CTNND2: variants seen among roughly 807,000 people sequenced by gnomAD.
The protein encoded by CTNND2 is catenin delta 2, also known as catenin delta-2.
A neutral mutation model predicts 144.4 loss-of-function variants in CTNND2; 22 were observed. The observed-to-expected ratio is 0.15, with a 90% confidence interval of 0.11 to 0.22. The LOEUF is 0.22. Ranked by LOEUF, CTNND2 falls within the 10% of genes least tolerant of loss-of-function variation. The pLI is 1.00. For missense variants in CTNND2, 1,353 were observed against 1,618.8 expected, an observed-to-expected ratio of 0.84 and a Z score of 2.82; for synonymous variants, 751 against 695.6, an observed-to-expected ratio of 1.08 and a Z score of -1.25.
intron 16 of CTNND2, among the ~76,000 whole-genome samples, chr5:11,055,217 G>GTCT (rs1746235040): frequency 2.6e-5 from 4 of 152,224 alleles, no homozygotes; most frequent in Admixed American, 2.6e-4. Flanking sequence ...TTGTGTGGAA[G>GTCT]TCTTAAAGAA....
intron 16 of CTNND2, among the ~76,000 whole-genome samples, chr5:11,043,305 A>G (rs1258400281): frequency 2.6e-5 from 4 of 152,208 alleles, no homozygotes; most frequent in African/African-American, 9.6e-5. Context: ...TATTGACTGT[A>G]TGTTTGTTAG....
intron 3 of CTNND2, among the ~76,000 whole-genome samples, chr5:11,535,780 C>T (rs578217909): frequency 3.3e-5 from 5 of 152,192 alleles, no homozygotes; most frequent in Admixed American, 3.3e-4. Context: ...CCCGGTGTTA[C>T]AAGCATGAGG....
chr5:11,516,550 T>C (rs78946992), intron 3 of CTNND2, among the ~76,000 whole-genome samples: 2,916 of 152,054 alleles, frequency 0.019, 78 homozygotes, highest in African/African-American at 0.061. Context: ...ACACTAGAAA[T>C]AGACAATCCA....
chr5:11,479,756 C>T (rs959752942), intron 3 of CTNND2, among the ~76,000 whole-genome samples: 2 of 149,588 alleles, frequency 1.3e-5, no homozygotes, highest in African/African-American at 2.4e-5. Context: ...ATCAGTGATA[C>T]TGAGCTTTTT....
chr5:10,985,252 A>G (rs1579950482), intron 20 of CTNND2, among the ~76,000 whole-genome samples: 1 of 152,204 alleles, frequency 6.6e-6, no homozygotes, highest in Non-Finnish European at 1.5e-5. Flanking sequence ...GGGATGCTGC[A>G]GCCCTTTCTT....
chr5:11,897,104 C>T (rs1299184684), intron 1 of CTNND2, among the ~76,000 whole-genome samples: 1 of 152,130 alleles, frequency 6.6e-6, no homozygotes, highest in African/African-American at 2.4e-5. Flanking sequence ...TTGGTTTCCC[C>T]ATGACCCCAA....
rs1345191212 is a variant in CTNND2, at chr5:11,179,326, AC to A, written c.1976-19568del. 6.8e-4 allele frequency among the ~76,000 whole-genome samples: 104 copies of A among 152,166 alleles called. 2 individuals are homozygous for A. Among genetic ancestry groups the A allele is most frequent in the African/African-American group, 2.3e-3 (97 of 41,486 alleles). On this transcript the variant is annotated intron_variant, in intron 11 of 21. Coordinates refer to ENST00000304623, the MANE Select transcript of CTNND2 (RefSeq NM_001332.4). ...GCACAAAAAACAAAAAAACAAAAAA[AC>A]AAAAACAAAAACAAAAAACAAAAAA...
intron 12 of CTNND2, among the ~76,000 whole-genome samples, chr5:11,129,130 T>TA (rs1170830732): frequency 0.11 from 3,374 of 32,094 alleles, 551 homozygotes; most frequent in East Asian, 0.38. Flanking sequence ...ATAATATATA[T>TA]TTATATATAT....
intron 9 of CTNND2, among the ~76,000 whole-genome samples, chr5:11,239,972 A>T (rs1229506452): frequency 6.6e-6 from 1 of 152,154 alleles, no homozygotes; most frequent in African/African-American, 2.4e-5. Context: ...CTGACACCAG[A>T]TGGACTCCAC....
rs369392730 is a variant in CTNND2 at position 11,311,057 on chromosome 5, C to T, written c.1628+35315G>A. ...CACACTCTTACCCCACAGGCACTCA[C>T]GCTCCCCATGCACCCTCAACCCACA... is the stretch of plus-strand genomic sequence containing the variant. On this transcript the variant is annotated intron_variant, in intron 9 of 21. Transcript: ENST00000304623. Among the ~76,000 whole-genome samples the T allele has an allele frequency of 7.9e-4, 116 of 147,150 alleles. 1 individual carries two copies. The highest frequency in any genetic ancestry group is 2.6e-3 in the African/African-American group (105 of 39,724).
chr5:11,357,689 G>A (rs1189961361), intron 8 of CTNND2, among the ~76,000 whole-genome samples: 2 of 152,036 alleles, frequency 1.3e-5, no homozygotes, highest in Non-Finnish European at 2.9e-5. Context: ...GCTTTTGAAT[G>A]TTCTCACCAC....
At chr5:11,716,754 T>G (rs916273863) in intron 2 of CTNND2, among the ~76,000 whole-genome samples, 1 of 152,122 alleles carries the variant, frequency 6.6e-6, no homozygotes, top group Non-Finnish European at 1.5e-5. Context: ...TGGCGCAATC[T>G]CAGCTTACCA....
rs575545066 is a variant in CTNND2, at chr5:11,782,034, C to T, written c.38-49762G>A. Among the ~76,000 whole-genome samples the T allele has an allele frequency of 1.8e-4, 27 of 152,230 alleles. No individual in the cohort carries two copies. The East Asian group carries it at 2.3e-3, about 13-fold the overall frequency. ...GTGGGAGGTAACTGAATCATGGGTG[C>T]GGGTCTTTCCCATGCTGTTCTTGTG... is the stretch of plus-strand genomic sequence containing the variant. On this transcript the variant is annotated intron_variant, in intron 1 of 21. Coordinates refer to ENST00000304623, the MANE Select transcript of CTNND2 (RefSeq NM_001332.4).
chr5:11,202,799 T>TCTTTTC (rs753528616), intron 10 of CTNND2, among the ~76,000 whole-genome samples: 76 of 152,246 alleles, frequency 5.0e-4, no homozygotes, highest in South Asian at 1.7e-3. Flanking sequence ...TTCTTTTTTT[T>TCTTTTC]CTTTTTCTTT....
At chr5:11,848,048 A>G (rs895120680) in intron 1 of CTNND2, among the ~76,000 whole-genome samples, 6 of 152,088 alleles carry the variant, frequency 3.9e-5, no homozygotes, top group African/African-American at 1.4e-4. Flanking sequence ...AAATTCCTAT[A>G]GTAACAATTT....
chr5:11,880,936 GCTACTAATACTACTA>G (rs1736054267), intron 1 of CTNND2, among the ~76,000 whole-genome samples: 1 of 119,808 alleles, frequency 8.3e-6, no homozygotes, highest in Admixed American at 8.4e-5. Flanking sequence ...CACTACTACT[GCTACTAATACTACTA>G]CTACTACCAC....
intron 2 of CTNND2, among the ~76,000 whole-genome samples, chr5:11,643,058 T>G (rs1263767384): frequency 6.6e-6 from 1 of 152,158 alleles, no homozygotes; most frequent in African/African-American, 2.4e-5. Context: ...TCAGTAATTA[T>G]AACAGCAAAG....
chr5:11,071,518 A>G (rs969984775), intron 16 of CTNND2, among the ~76,000 whole-genome samples: 8 of 152,110 alleles, frequency 5.3e-5, no homozygotes, highest in Admixed American at 4.6e-4. Flanking sequence ...CCTGAGTGAC[A>G]GAGCCTGAGT....
intron 2 of CTNND2, among the ~76,000 whole-genome samples, chr5:11,623,218 G>A (rs887253770): frequency 6.6e-6 from 1 of 151,864 alleles, no homozygotes; most frequent in African/African-American, 2.4e-5. Flanking sequence ...TTTCTTATAG[G>A]CTCGTTGATA....
Sources: allele counts gnomAD v4.1 joint callset (sites outside exome capture counted in the v4.1 genomes callset), GRCh38; gene constraint gnomAD v4.1.1; transcripts MANE v1.5; gene names NCBI Gene and HGNC (gene_info 2026-07-23, HGNC 2026-07-21).